PATJ: variants seen among roughly 807,000 people sequenced by gnomAD.
The protein encoded by PATJ is inaD-like protein.
PATJ carries 190 observed loss-of-function variants against 224.9 expected under a neutral mutation model. That is an observed-to-expected ratio of 0.84 (90% CI 0.75 to 0.95). The LOEUF (loss-of-function observed/expected upper bound fraction) is 0.95, where lower values mean the gene tolerates loss of function less well. Among genes scored for constraint, PATJ ranks in the 40% least tolerant of loss-of-function variants. PATJ has a pLI of 0.00. For synonymous variants in PATJ, 769 were observed against 820.3 expected (o/e 0.94, Z 1.07); for missense variants, 2,121 against 2,270.3 (o/e 0.93, Z 1.34).
Position 61,763,191 on chromosome 1 carries a change from A to T in PATJ, c.189+12A>T. The T allele has an allele frequency of 6.7e-7, 1 of 1,502,536 alleles. No individual in the cohort carries two copies. The highest frequency in any genetic ancestry group is 2.3e-5 in the East Asian group (1 of 43,428). The allele number at this position is 1,502,536 out of a possible 1,614,324, so 93.1% of individuals were successfully genotyped here. ...AACTGAAGGGTCAAGTAAGTTACCCATCAGAGTTTTACATTAATATATTAT... is the reference window on the plus strand; with the variant it reads ...AACTGAAGGGTCAAGTAAGTTACCCTTCAGAGTTTTACATTAATATATTAT... On this transcript the variant is annotated intron_variant, in intron 3 of 43. Transcript: ENST00000642238.
In PATJ at chr1:61,760,742, G is replaced by A. The variant is rs553457744; in HGVS notation, c.-35-2116G>A. On this transcript the variant is annotated intron_variant, in intron 1 of 43. Transcript: ENST00000642238. ...AGCAATTCTCCTGCCTCAGCCTCCC[G>A]AGTAGCTGGAATTATGGGTGAGTGC... 6.0e-5 allele frequency among the ~76,000 whole-genome samples: 9 copies of A among 150,478 alleles called. No individual in the cohort carries two copies. In the South Asian group the frequency reaches 8.5e-4, roughly 14 times the overall value.
At chr1:61,848,606 A>G (rs976779863) in intron 17 of PATJ, among the ~76,000 whole-genome samples, 3 of 151,976 alleles carry the variant, frequency 2.0e-5, no homozygotes, top group African/African-American at 7.3e-5. Context: ...TTTAGAGACA[A>G]AGTCTCACTG....
At chr1:61,944,675 T>C (rs1017444658) in intron 27 of PATJ, among the ~76,000 whole-genome samples, 1 of 152,122 alleles carries the variant, frequency 6.6e-6, no homozygotes, top group African/African-American at 2.4e-5. Context: ...CAGGAGAACT[T>C]CCCTAACCTA....
chr1:61,902,401 T>C (rs1441538717), intron 24 of PATJ, among the ~76,000 whole-genome samples: 1 of 152,026 alleles, frequency 6.6e-6, no homozygotes, highest in Non-Finnish European at 1.5e-5. Flanking sequence ...GTTTCAGCTG[T>C]GATAGAATAC....
chr1:62,110,264 A>G (rs1439434489), intron 34 of PATJ, among the ~76,000 whole-genome samples: 1 of 152,134 alleles, frequency 6.6e-6, no homozygotes, highest in Non-Finnish European at 1.5e-5. Flanking sequence ...ACAGCTTTCT[A>G]ATTCACATTG....
chr1:61,811,119 G>A (rs888178460), intron 14 of PATJ, among the ~76,000 whole-genome samples: 3 of 152,124 alleles, frequency 2.0e-5, no homozygotes, highest in African/African-American at 7.2e-5. Context: ...ATTAATACCT[G>A]CCTCATAGAT....
chr1:61,964,500 T>A (rs2149438453), intron 27 of PATJ, among the ~76,000 whole-genome samples: 1 of 152,270 alleles, frequency 6.6e-6, no homozygotes, highest in African/African-American at 2.4e-5. Flanking sequence ...ATAGAAAAGA[T>A]ATTTAAGGCT....
chr1:61,883,113 T>C (rs1668327880), intron 21 of PATJ, among the ~76,000 whole-genome samples: 1 of 152,206 alleles, frequency 6.6e-6, no homozygotes, highest in Non-Finnish European at 1.5e-5. Flanking sequence ...AGGAGCTTTC[T>C]TTAGTTTATT....
At chr1:61,906,627 G>A (rs916220328) in intron 24 of PATJ, among the ~76,000 whole-genome samples, 1 of 152,276 alleles carries the variant, frequency 6.6e-6, no homozygotes, top group Admixed American at 6.5e-5. Flanking sequence ...AAGTTCAGTG[G>A]TTGGTGGCTC....
chr1:61,846,861 A>C (rs2148865337), intron 17 of PATJ, among the ~76,000 whole-genome samples: 1 of 152,340 alleles, frequency 6.6e-6, no homozygotes, highest in Non-Finnish European at 1.5e-5. Context: ...GGCCTCCCAA[A>C]GTGCTGGGAT....
At chr1:61,983,820 A>G (rs17122878) in intron 27 of PATJ, among the ~76,000 whole-genome samples, 1,650 of 152,134 alleles carry the variant, frequency 0.011, 64 homozygotes, top group African/African-American at 0.037. Context: ...AGCTAGGACC[A>G]TGAAGACAGA....
Position 62,081,915 on chromosome 1 carries a change from C to T in PATJ, c.4243+2348C>T, listed in dbSNP as rs557010774. 2.6e-5 allele frequency among the ~76,000 whole-genome samples: 4 copies of T among 152,276 alleles called. No homozygotes were observed. In the South Asian group the frequency reaches 6.2e-4, roughly 24 times the overall value. On this transcript the variant is annotated intron_variant, in intron 32 of 43. Transcript: ENST00000642238. ...AGCACCCATGAAAGTGTGCCACTAT[C>T]GTACGTCATTTTTATTGTAAATTAA...
chr1:61,977,228 C>A (rs999088878), intron 27 of PATJ, among the ~76,000 whole-genome samples: 1 of 152,072 alleles, frequency 6.6e-6, no homozygotes, highest in Non-Finnish European at 1.5e-5. Flanking sequence ...GCTGGGATTA[C>A]AGGCGTGTGC....
chr1:61,999,847 G>T (rs1645639194), intron 28 of PATJ, among the ~76,000 whole-genome samples: 1 of 152,102 alleles, frequency 6.6e-6, no homozygotes, highest in South Asian at 2.1e-4. Context: ...GTAGTAGTGT[G>T]CTGAGGTGAG....
chr1:62,060,466 C>T (rs1345702512), intron 31 of PATJ, among the ~76,000 whole-genome samples: 4 of 152,016 alleles, frequency 2.6e-5, no homozygotes, highest in Non-Finnish European at 5.9e-5. Flanking sequence ...CTCCAGGGCT[C>T]AAGCAATCCT....
At chr1:61,825,589 A>G (rs1430172214) in intron 15 of PATJ, among the ~76,000 whole-genome samples, 1 of 152,150 alleles carries the variant, frequency 6.6e-6, no homozygotes, top group Non-Finnish European at 1.5e-5. Flanking sequence ...CACTGTGCCA[A>G]GTCTCAGCCC....
chr1:61,883,720 C>T (rs1183378555), intron 21 of PATJ, among the ~76,000 whole-genome samples: 1 of 146,324 alleles, frequency 6.8e-6, no homozygotes, highest in African/African-American at 2.5e-5. Context: ...CACACGACTG[C>T]ACTCCAGCCT....
chr1:61,746,320 C>G (rs1645024482), intron 1 of PATJ, among the ~76,000 whole-genome samples: 1 of 152,200 alleles, frequency 6.6e-6, no homozygotes, highest in African/African-American at 2.4e-5. Context: ...CCAAGCCGTC[C>G]TCCCGATTTG....
intron 25 of PATJ, among the ~76,000 whole-genome samples, chr1:61,914,316 T>C (rs1010222295): frequency 2.0e-5 from 3 of 151,970 alleles, no homozygotes; most frequent in African/African-American, 7.3e-5. Flanking sequence ...ATTAGCTGGG[T>C]GTGGTGGCAG....
Sources: gnomAD v4.1 joint callset for allele counts (sites outside exome capture counted in the v4.1 genomes callset) on GRCh38, gnomAD v4.1.1 for gene constraint, MANE v1.5 for transcripts, NCBI Gene and HGNC (gene_info 2026-07-23, HGNC 2026-07-21) for gene names.